GPC1: variants seen among roughly 807,000 people sequenced by gnomAD.
GPC1 encodes glypican 1.
In GPC1, 26 loss-of-function variants were observed where a neutral mutation model predicts 51.5. The observed-to-expected ratio is 0.50, with a 90% CI of 0.37 to 0.70. The LOEUF is 0.70. Among genes scored for constraint, GPC1 ranks in the 30% least tolerant of loss-of-function variants. GPC1 has a pLI of 0.00. For synonymous variants in GPC1, 380 were observed against 348.3 expected, an observed-to-expected ratio of 1.09 and a Z score of -1.01; for missense variants, 775 against 800.5, an observed-to-expected ratio of 0.97 and a Z score of 0.38.
chr2:240,447,849 A>G (rs1230008856), intron 1 of GPC1, among the ~76,000 whole-genome samples: 4 of 152,104 alleles, frequency 2.6e-5, no homozygotes, highest in African/African-American at 9.7e-5. Context: ...GGGAGGGAGG[A>G]AGGCCAGGCT....
At chr2:240,452,771 A>T (rs1372203065) in intron 1 of GPC1, 1 of 149,006 alleles carries the variant, frequency 6.7e-6, no homozygotes, top group Non-Finnish European at 1.5e-5. Flanking sequence ...CTGCGGGAGG[A>T]CGCTCGTCCC....
intron 2 of GPC1, among the ~76,000 whole-genome samples, chr2:240,460,939 T>TG: frequency 6.6e-6 from 1 of 152,150 alleles, no homozygotes; most frequent in Non-Finnish European, 1.5e-5. Context: ...GAGGGGAGCC[T>TG]GGCTGGACCT....
Position 240,465,470 on chromosome 2 carries a change from C to CA in GPC1, c.1269-2dup, listed in dbSNP as rs1009033409. 1 of 1,612,668 alleles carries CA rather than the reference C, an allele frequency of 6.2e-7. No homozygotes were observed. Among genetic ancestry groups the CA allele is most frequent in the Non-Finnish European group, 8.5e-7 (1 of 1,179,840 alleles). On this transcript the variant is annotated splice_region_variant and splice_polypyrimidine_tract_variant and intron_variant, in intron 7 of 8. Transcript: ENST00000264039. The stretch of plus-strand genomic sequence containing the variant: ...ACCTGGGCTCTGCCTGCCTTTCCCC[C>CA]AGGTACCTCCCCGAGGTCATGGGTG...
chr2:240,449,923 T>A, intron 1 of GPC1: 1 of 470,314 alleles, frequency 2.1e-6, no homozygotes, highest in Non-Finnish European at 4.4e-6. Context: ...TGTATGCACC[T>A]ACAGACAGTT....
rs745498714 is a variant in GPC1 at position 240,462,587 on chromosome 2, G to C, written c.717+5G>C. On this transcript the variant is annotated splice_donor_5th_base_variant and intron_variant, in intron 3 of 8. Transcript: ENST00000264039. ...GTGGTCCGGAAAGTGGCTCAGGTGC[G>C]CACAGCCACCCAGGGCTCTCAGAAA... 1.3e-6 allele frequency: 2 copies of C among 1,513,920 alleles called. No homozygotes were observed. The highest frequency in any genetic ancestry group is 1.8e-6 in the Non-Finnish European group (2 of 1,135,732). 93.8% of individuals were successfully genotyped at this position (1,513,920 alleles called of 1,614,324 possible).
In GPC1 at chr2:240,435,727, ACCCCGCGCG is replaced by A. The variant is rs942559412; in HGVS notation, c.-183_-175del. ...GCCCGAGCGAGCGTTCGGACCTCGC[ACCCCGCGCG>A]CCCCGCGCCGCCGCCGCCGCCGGCT... On this transcript the variant is annotated 5_prime_UTR_variant, in exon 1 of 9. Transcript: ENST00000264039. The A allele has an allele frequency of 2.4e-5, 6 of 254,908 alleles. No individual in the cohort carries two copies. The highest frequency in any genetic ancestry group is 2.8e-5 in the Non-Finnish European group (4 of 140,636). 15.8% of individuals were successfully genotyped at this position (254,908 alleles called of 1,614,324 possible).
At chr2:240,446,380 C>T (rs1006185505) in intron 1 of GPC1, among the ~76,000 whole-genome samples, 1 of 152,212 alleles carries the variant, frequency 6.6e-6, no homozygotes, top group African/African-American at 2.4e-5. Flanking sequence ...ACGCAGTTAG[C>T]GCAGAGACAG....
chr2:240,462,011 A>G (rs1275007339), intron 2 of GPC1, among the ~76,000 whole-genome samples, 180 bp from the exon 3 acceptor site: 2 of 151,776 alleles, frequency 1.3e-5, no homozygotes, highest in Admixed American at 1.3e-4. Flanking sequence ...CCAGGGGGTG[A>G]GGTCTCGGGG....
chr2:240,435,730 C>A lies in GPC1; in HGVS notation c.-189C>A. 1 of 267,116 alleles carries A rather than the reference C, an allele frequency of 3.7e-6. No homozygotes were observed. The highest frequency in any genetic ancestry group is 6.8e-6 in the Non-Finnish European group (1 of 147,372). The allele number at this position is 267,116 out of a possible 1,614,324, so 16.5% of individuals were successfully genotyped here. ...CGAGCGAGCGTTCGGACCTCGCACC[C>A]CGCGCGCCCCGCGCCGCCGCCGCCG... is the stretch of plus-strand genomic sequence containing the variant. On this transcript the variant is annotated 5_prime_UTR_variant, in exon 1 of 9. Coordinates refer to ENST00000264039, the MANE Select transcript of GPC1 (RefSeq NM_002081.3).
At position 240,459,154 on chromosome 2, in the gene GPC1, G is replaced by T; in HGVS notation, c.291G>T (p.Gln97His). ...TCCGGGACAGCAGCCGCGTCCTGCA[G>T]GCCATGCTTGCCACCCAGCTGCGCA... The part of the protein sequence containing the change: ...TALRDSSRVL[Q>H]AMLATQLRSF... The change falls in exon 2 of 9, where the codon CAG becomes CAT. Residue 97 changes from glutamine to histidine, a missense_variant. Transcript: ENST00000264039. 6.2e-7 allele frequency: 1 copy of T among 1,612,520 alleles called. No individual in the cohort carries two copies. Among genetic ancestry groups the T allele is most frequent in the African/African-American group, 1.3e-5 (1 of 75,066 alleles).
chr2:240,458,114 C>T (rs1219143971), intron 1 of GPC1: 1 of 465,064 alleles, frequency 2.2e-6, no homozygotes, highest in East Asian at 7.0e-5. Context: ...GAGACCTCAT[C>T]CCTGTAAGCC....
chr2:240,454,781 T>TGGGCG (rs2074141351), intron 1 of GPC1: 1 of 155,194 alleles, frequency 6.4e-6, no homozygotes, highest in South Asian at 1.8e-4. Context: ...TCTGGAGGGA[T>TGGGCG]GGGCGTGGCG....
In GPC1 at chr2:240,467,821, G is replaced by C. The variant is rs1327570530; in HGVS notation, c.*1531G>C. Reference sequence around the variant, plus strand: ...CCCCATAATAACCCTGCCAGTGCCAGGGTGGGCTGGGGACTCTGGCACAGT... The same window carrying C: ...CCCCATAATAACCCTGCCAGTGCCACGGTGGGCTGGGGACTCTGGCACAGT... On this transcript the variant is annotated 3_prime_UTR_variant, in exon 9 of 9. Transcript: ENST00000264039. 1 of 152,242 alleles carries C rather than the reference G, an allele frequency of 6.6e-6. No homozygotes were observed. Among genetic ancestry groups the C allele is most frequent in the African/African-American group, 2.4e-5 (1 of 41,454 alleles). The allele number at this position is 152,242 out of a possible 1,614,324, so 9.4% of individuals were successfully genotyped here.
rs756901454 is a variant in GPC1 at position 240,462,329 on chromosome 2, C to G, written c.464C>G (p.Ala155Gly). The stretch of plus-strand genomic sequence containing the variant: ...GAGCTGCGCCTGTACTACCGCGGTG[C>G]CAACCTGCACCTGGAGGAGACGCTG... Reference protein sequence around the residue: ...YSELRLYYRGANLHLEETLAE... With the variant: ...YSELRLYYRGGNLHLEETLAE... Residue 155 changes from alanine to glycine, a missense_variant, in exon 3 of 9, where the codon GCC becomes GGC. Coordinates refer to ENST00000264039, the MANE Select transcript of GPC1 (RefSeq NM_002081.3). 6.2e-7 allele frequency: 1 copy of G among 1,603,608 alleles called. No homozygotes were observed. The highest frequency in any genetic ancestry group is 8.5e-7 in the Non-Finnish European group (1 of 1,175,806).
chr2:240,455,256 C>T (rs1444575438), intron 1 of GPC1, among the ~76,000 whole-genome samples: 4 of 152,188 alleles, frequency 2.6e-5, no homozygotes, highest in Admixed American at 6.5e-5. Context: ...CCAAAAAAAT[C>T]CTCAGAGCAC....
intron 1 of GPC1, among the ~76,000 whole-genome samples, chr2:240,444,201 C>T (rs912412046): frequency 3.9e-5 from 6 of 152,186 alleles, no homozygotes; most frequent in Non-Finnish European, 8.8e-5. Context: ...GGTGGGTCTC[C>T]TGAGGTCAGA....
At position 240,464,916 on chromosome 2, in the gene GPC1, C is replaced by G. The variant is rs886101948; in HGVS notation, c.1075C>G (p.Arg359Gly). 6.4e-7 allele frequency: 1 copy of G among 1,550,876 alleles called. No individual in the cohort carries two copies. The highest frequency in any genetic ancestry group is 1.4e-5 in the African/African-American group (1 of 73,094). Residue 359 changes from arginine to glycine, a missense_variant, in exon 6 of 9, where the codon CGG becomes GGG. Coordinates refer to ENST00000264039, the MANE Select transcript of GPC1 (RefSeq NM_002081.3). ...NPQGPGPEEKRRRGKLAPRER... is the reference protein window; with the variant it reads ...NPQGPGPEEKGRRGKLAPRER... ...CCAGGGCCCCGGGCCTGAGGAGAAG[C>G]GGCGCCGGGGCAAGCTGGCCCCGCG... is the stretch of plus-strand genomic sequence containing the variant.
At chr2:240,441,250 A>G (rs61323318) in intron 1 of GPC1, among the ~76,000 whole-genome samples, 22,703 of 152,274 alleles carry the variant, frequency 0.15, 1,902 homozygotes, top group African/African-American at 0.22. Context: ...GAGCATGCCC[A>G]TGTCTGTTCT....
chr2:240,447,396 C>T (rs1262363515), intron 1 of GPC1, among the ~76,000 whole-genome samples: 3 of 152,182 alleles, frequency 2.0e-5, no homozygotes, highest in Non-Finnish European at 2.9e-5. Context: ...GGCTCAGCGC[C>T]GTGAGGAGGG....
Sources: allele counts gnomAD v4.1 joint callset (sites outside exome capture counted in the v4.1 genomes callset), GRCh38; gene constraint gnomAD v4.1.1; transcripts MANE v1.5; gene names NCBI Gene and HGNC (gene_info 2026-07-23, HGNC 2026-07-21).